The following YAP1 variants were observed in gnomAD, a reference collection of about 807,000 sequenced individuals.
YAP1 encodes the protein transcriptional coactivator YAP1.
Under a neutral mutation model 56.9 loss-of-function variants are expected in YAP1, and 5 were observed. The ratio of observed to expected loss-of-function variants is 0.09; its 90% CI spans 0.05 to 0.18. The LOEUF is 0.18. Among genes scored for constraint, YAP1 ranks in the 10% least tolerant of loss-of-function variants. YAP1 has a pLI of 1.00. For synonymous variants in YAP1, 265 were observed against 248.1 expected, an observed-to-expected ratio of 1.07 and a Z score of -0.64; for missense variants, 539 against 651.8, an observed-to-expected ratio of 0.83 and a Z score of 1.88.
At chr11:102,223,854 CA>C in intron 7 of YAP1, 102 bp downstream of exon 7, 33 of 1,425,312 alleles carry the variant, frequency 2.3e-5, no homozygotes, top group Admixed American at 4.1e-5. Context: ...CTGTGTGGGC[CA>C]AAAACCATAG....
intron 3 of YAP1, among the ~76,000 whole-genome samples, chr11:102,182,779 T>C (rs1422976744): frequency 6.6e-6 from 1 of 152,184 alleles, no homozygotes; most frequent in Non-Finnish European, 1.5e-5. Context: ...ACAAAGAAAG[T>C]ATCCTATTTT....
intron 2 of YAP1, among the ~76,000 whole-genome samples, chr11:102,150,802 G>GTTTTTT (rs370378973): frequency 0.031 from 3,331 of 107,934 alleles, 191 homozygotes; most frequent in African/African-American, 0.068. Flanking sequence ...CATACAAATG[G>GTTTTTT]TTTTTTTTTT....
intron 2 of YAP1, among the ~76,000 whole-genome samples, chr11:102,134,888 G>GT (rs950468568): frequency 2.0e-5 from 3 of 151,846 alleles, no homozygotes; most frequent in African/African-American, 7.3e-5. Flanking sequence ...GTTTTCTAGT[G>GT]TTTTTTTGAG....
intron 6 of YAP1, among the ~76,000 whole-genome samples, chr11:102,218,953 AC>A (rs755551267): frequency 2.6e-5 from 4 of 152,226 alleles, no homozygotes; most frequent in Non-Finnish European, 5.9e-5. Context: ...ACTAGTTTTA[AC>A]CTAATAAAAA....
chr11:102,111,259 G>A, intron 1 of YAP1, 90 bp downstream of exon 1: 1 of 1,499,052 alleles, frequency 6.7e-7, no homozygotes, highest in Non-Finnish European at 9.0e-7. Context: ...GCTCTGGTCA[G>A]GGGAGGGGGG....
Position 102,186,007 on chromosome 11 carries a change from C to A in YAP1, c.689-11C>A, listed in dbSNP as rs200493940. 2.9e-4 allele frequency: 326 copies of A among 1,128,924 alleles called. No individual in the cohort carries two copies. The highest frequency in any genetic ancestry group is 7.1e-4 in the Middle Eastern group (2 of 2,814). 69.9% of individuals were successfully genotyped at this position (1,128,924 alleles called of 1,614,324 possible). A position where few individuals can be genotyped will look rare whatever the true frequency, so the allele number is the denominator to read the frequency against. ...AAAACCATGATTTTTTTTTTTTTTT[C>A]TGTATTATAGGTCCTCTTCCTGATG... is the stretch of plus-strand genomic sequence containing the variant. On this transcript the variant is annotated splice_polypyrimidine_tract_variant and intron_variant, in intron 3 of 8. Transcript: ENST00000282441.
Position 102,229,678 on chromosome 11 carries a change from G to T in YAP1, c.1277-24G>T, listed in dbSNP as rs751892390. 70 of 1,604,074 alleles carry T rather than the reference G, an allele frequency of 4.4e-5. No individual in the cohort carries two copies. In the Admixed American group the frequency reaches 1.1e-3, roughly 26 times the overall value. On this transcript the variant is annotated intron_variant, in intron 8 of 8. Coordinates refer to ENST00000282441, the MANE Select transcript of YAP1 (RefSeq NM_001130145.3). ...ATGTTAGCTTTTCAAAAAGGACTTT[G>T]TTATCTCTGTGTGTTTCCACTAGGT... is the stretch of plus-strand genomic sequence containing the variant.
intron 2 of YAP1, among the ~76,000 whole-genome samples, chr11:102,153,012 C>CTG (rs1945752233): frequency 6.6e-6 from 1 of 152,214 alleles, no homozygotes; most frequent in South Asian, 2.1e-4. Context: ...GGCGGAGATA[C>CTG]TGTGTGAACA....
chr11:102,153,077 A>G (rs1304008082), intron 2 of YAP1, among the ~76,000 whole-genome samples: 3 of 152,152 alleles, frequency 2.0e-5, no homozygotes, highest in African/African-American at 7.2e-5. Context: ...TTCAGGTGTG[A>G]AGTGTTTTTT....
chr11:102,129,478 C>T (rs1272789883), intron 2 of YAP1, among the ~76,000 whole-genome samples: 4 of 151,838 alleles, frequency 2.6e-5, no homozygotes, highest in Non-Finnish European at 5.9e-5. Context: ...ATTAGCTGTG[C>T]ATGATGGTGG....
intron 2 of YAP1, among the ~76,000 whole-genome samples, chr11:102,116,231 A>G (rs369923965): frequency 6.6e-5 from 10 of 152,208 alleles, no homozygotes; most frequent in African/African-American, 2.4e-4. Context: ...ATTATTTCCT[A>G]AATAATGTAA....
Position 102,183,989 on chromosome 11 carries a change from A to G in YAP1, c.689-2029A>G, listed in dbSNP as rs959749864. On this transcript the variant is annotated intron_variant, in intron 3 of 8. Transcript: ENST00000282441. Reference sequence around the variant, plus strand: ...CTACTTGGGAGGCGGAGGCAGGAGAATGGCGTGAACCCGGGAGGCGGAGCT... The same window carrying G: ...CTACTTGGGAGGCGGAGGCAGGAGAGTGGCGTGAACCCGGGAGGCGGAGCT... Among the ~76,000 whole-genome samples, 35 of 148,960 alleles carry G rather than the reference A, an allele frequency of 2.3e-4. 1 individual carries two copies. The highest frequency in any genetic ancestry group is 1.0e-3 in the Admixed American group (15 of 14,918).
chr11:102,171,042 TAC>T (rs1946873481), intron 3 of YAP1, among the ~76,000 whole-genome samples: 2 of 152,142 alleles, frequency 1.3e-5, no homozygotes, highest in Non-Finnish European at 2.9e-5. Flanking sequence ...AATGACTTAT[TAC>T]ATATTGGGGC....
chr11:102,209,355 T>C (rs1949279661), intron 5 of YAP1, among the ~76,000 whole-genome samples, 162 bp from the exon 6 acceptor site: 1 of 152,206 alleles, frequency 6.6e-6, no homozygotes, highest in African/African-American at 2.4e-5. Flanking sequence ...TTTTGTTATG[T>C]GGTGACTCCA....
At chr11:102,161,345 TACACACACACACACACAC>T (rs34552492) in intron 2 of YAP1, among the ~76,000 whole-genome samples, 18 of 141,144 alleles carry the variant, frequency 1.3e-4, no homozygotes, top group Admixed American at 9.2e-4. Context: ...GTACTTTCAC[TACACACACACACACACAC>T]ACACACACAC....
intron 6 of YAP1, among the ~76,000 whole-genome samples, chr11:102,216,875 A>C (rs1949696524): frequency 6.6e-6 from 1 of 152,218 alleles, no homozygotes; most frequent in South Asian, 2.1e-4. Flanking sequence ...TGTATTTCAA[A>C]GGTCAAATAG....
chr11:102,188,272 A>G (rs557274610), intron 4 of YAP1, among the ~76,000 whole-genome samples: 2 of 152,196 alleles, frequency 1.3e-5, no homozygotes, highest in East Asian at 3.8e-4. Flanking sequence ...GATATTCTTC[A>G]AATCTATATT....
intron 3 of YAP1, among the ~76,000 whole-genome samples, chr11:102,166,196 T>C (rs1393218442): frequency 6.6e-6 from 1 of 152,252 alleles, no homozygotes; most frequent in African/African-American, 2.4e-5. Context: ...GACAAGTTTA[T>C]ATCTGGATTA....
intron 6 of YAP1, among the ~76,000 whole-genome samples, chr11:102,216,682 A>C (rs774053232): frequency 5.8e-4 from 88 of 152,294 alleles, no homozygotes; most frequent in Non-Finnish European, 1.0e-3. Flanking sequence ...GTCTATCTCT[A>C]AGAAGTTTTT....
Sources: gnomAD v4.1 joint callset for allele counts (sites outside exome capture counted in the v4.1 genomes callset) on GRCh38, gnomAD v4.1.1 for gene constraint, MANE v1.5 for transcripts, NCBI Gene and HGNC (gene_info 2026-07-23, HGNC 2026-07-21) for gene names.